Variants in TMEM212 observed in about 807,000 individuals in gnomAD.
TMEM212 encodes the protein transmembrane protein 212.
A neutral mutation model predicts 20.5 loss-of-function variants in TMEM212; 23 were observed. The observed-to-expected ratio is 1.12, with a 90% CI of 0.81 to 1.59. The LOEUF (loss-of-function observed/expected upper bound fraction) is 1.59. Among genes scored for constraint, TMEM212 ranks in the 40% most tolerant of loss-of-function variants. TMEM212 has a pLI of 0.00. For synonymous variants in TMEM212, 76 were observed against 81.6 expected (o/e 0.93, Z 0.37); for missense variants, 211 against 215.0 (o/e 0.98, Z 0.12).
At chr3:171,853,456 C>A in intron 2 of TMEM212, 71 bp from the exon 3 acceptor site, 38 of 1,262,634 alleles carry the variant, frequency 3.0e-5, no homozygotes, top group East Asian at 5.6e-5. Context: ...CTTTTATTTT[C>A]TTCATATTGC....
At chr3:171,854,182 C>G (rs1461413194) in intron 3 of TMEM212, among the ~76,000 whole-genome samples, 3 of 151,714 alleles carry the variant, frequency 2.0e-5, no homozygotes, top group Non-Finnish European at 4.4e-5. Context: ...CTAGCCAGAG[C>G]AATTAGGCAA....
intron 2 of TMEM212, 142 bp from the exon 3 acceptor site, chr3:171,853,385 G>C: frequency 2.9e-6 from 2 of 684,810 alleles, no homozygotes; most frequent in Non-Finnish European, 4.8e-6. Context: ...AAAATATAAA[G>C]AGAGAGTCGT....
chr3:171,843,521 T>C lies in TMEM212; in HGVS notation c.138T>C (p.Cys46=), dbSNP rs1238890717. The change falls in exon 1 of 5, where the codon TGT becomes TGC. Residue 46 remains cysteine, a synonymous_variant. Transcript: ENST00000334567. ...WFTGWSVRIA[C]PIWNGALAIT... ...CAGGATGGAGTGTTCGAATTGCTTG[T>C]CCTATCTGGAATGGAGCTTTGGTAT... The C allele has an allele frequency of 6.5e-7, 1 of 1,535,854 alleles. No homozygotes were observed. The highest frequency in any genetic ancestry group is 2.0e-5 in the Admixed American group (1 of 50,850).
In TMEM212 at chr3:171,855,703, G is replaced by C. The variant is rs555768664; in HGVS notation, c.544-960G>C. ...GTGCCCATTGGACTGGTATAAGTTA[G>C]CTCAGATGTCGTTTAATTCCCATAA... On this transcript the variant is annotated intron_variant, in intron 3 of 4. Transcript: ENST00000334567. Among the ~76,000 whole-genome samples the C allele has an allele frequency of 2.0e-5, 3 of 152,204 alleles. No individual in the cohort carries two copies. In the East Asian group the frequency reaches 5.8e-4, roughly 29 times the overall value.
chr3:171,852,980 C>T (rs1168794808), intron 2 of TMEM212, among the ~76,000 whole-genome samples: 1 of 152,186 alleles, frequency 6.6e-6, no homozygotes, highest in African/African-American at 2.4e-5. Context: ...GGACCACATC[C>T]TGAGTAGCTG....
chr3:171,854,743 T>C (rs1234083446), intron 3 of TMEM212, among the ~76,000 whole-genome samples: 2 of 152,164 alleles, frequency 1.3e-5, no homozygotes, highest in Non-Finnish European at 2.9e-5. Context: ...TTTTAAACTA[T>C]ATTACAAAGC....
chr3:171,850,429 G>A (rs1184272244), intron 1 of TMEM212, among the ~76,000 whole-genome samples: 3 of 152,246 alleles, frequency 2.0e-5, no homozygotes, highest in Admixed American at 6.5e-5. Context: ...TCATGCCAAA[G>A]TAGTTAAGGC....
intron 2 of TMEM212, among the ~76,000 whole-genome samples, chr3:171,852,360 C>A (rs1410977007): frequency 6.6e-6 from 1 of 152,086 alleles, no homozygotes; most frequent in East Asian, 1.9e-4. Context: ...GCCACCATGC[C>A]CAGCTAATTT....
At chr3:171,851,848 A>G (rs1724984374) in intron 1 of TMEM212, 134 bp from the exon 2 acceptor site, 15 of 763,660 alleles carry the variant, frequency 2.0e-5, no homozygotes, top group Non-Finnish European at 2.4e-5. Context: ...GGAGGAAATC[A>G]GAGCCATAAA....
At position 171,843,444 on chromosome 3, in the gene TMEM212, T is replaced by C. The variant is rs1162004259; in HGVS notation, c.61T>C (p.Cys21Arg). ...TGTTACTCTGGGGATCCTCAGTGTA[T>C]GCTCTGGAGTTATTGCTTTCTTTCC... ...ILVTLGILSV[C>R]SGVIAFFPVF... The change falls in exon 1 of 5, where the codon TGC (cysteine) becomes CGC (arginine). Residue 21 changes from cysteine (C) to arginine (R), a missense_variant. Transcript: ENST00000334567. 6.5e-7 allele frequency: 1 copy of C among 1,536,952 alleles called. No homozygotes were observed. The highest frequency in any genetic ancestry group is 8.7e-7 in the Non-Finnish European group (1 of 1,146,726).
At chr3:171,851,241 A>G (rs1467629845) in intron 1 of TMEM212, among the ~76,000 whole-genome samples, 1 of 152,226 alleles carries the variant, frequency 6.6e-6, no homozygotes, top group East Asian at 1.9e-4. Context: ...GGTCTCCTCC[A>G]TCAGATCTGT....
chr3:171,853,916 A>G (rs760486580), intron 3 of TMEM212, 66 bp downstream of exon 3: 9 of 1,238,138 alleles, frequency 7.3e-6, no homozygotes, highest in Non-Finnish European at 1.0e-5. Context: ...AAAGTCTGGT[A>G]TGTGAACAGT....
Position 171,856,653 on chromosome 3 carries a change from T to C in TMEM212, c.544-10T>C, listed in dbSNP as rs1488700795. 1 of 684,932 alleles carries C rather than the reference T, an allele frequency of 1.5e-6. No individual in the cohort carries two copies. The highest frequency in any genetic ancestry group is 1.6e-5 in the South Asian group (1 of 63,962). The allele number at this position is 684,932 out of a possible 1,614,324, so 42.4% of individuals were successfully genotyped here. A position where few individuals can be genotyped will look rare whatever the true frequency, so the allele number is the denominator to read the frequency against. On this transcript the variant is annotated splice_polypyrimidine_tract_variant and intron_variant, in intron 3 of 4. Coordinates refer to ENST00000334567, the MANE Select transcript of TMEM212 (RefSeq NM_001164436.2). ...CTTATCAAATTTGCTGTCTCTCATA[T>C]GTCTTACAGATGCAACTCCCTGCTG...
intron 1 of TMEM212, among the ~76,000 whole-genome samples, chr3:171,851,512 G>A (rs1022094471): frequency 3.3e-5 from 5 of 152,334 alleles, no homozygotes; most frequent in Admixed American, 6.5e-5. Context: ...CCACCAGCAG[G>A]CTGAGGCTAT....
In TMEM212 at chr3:171,858,933, A is replaced by C. The variant is rs1384729431; in HGVS notation, c.*876A>C. On this transcript the variant is annotated 3_prime_UTR_variant, in exon 5 of 5. Coordinates refer to ENST00000334567, the MANE Select transcript of TMEM212 (RefSeq NM_001164436.2). ...CATCAATGATAGATTGGATTAAGAA[A>C]ATGTGGCACATATACACCATGGAAT... 1 of 152,212 alleles carries C rather than the reference A, an allele frequency of 6.6e-6. No individual in the cohort carries two copies. Among genetic ancestry groups the C allele is most frequent in the Non-Finnish European group, 1.5e-5 (1 of 68,056 alleles). 9.4% of individuals were successfully genotyped at this position (152,212 alleles called of 1,614,324 possible).
At position 171,858,569 on chromosome 3, in the gene TMEM212, A is replaced by G. The variant is rs1257188854; in HGVS notation, c.*512A>G. On this transcript the variant is annotated 3_prime_UTR_variant, in exon 5 of 5. Coordinates refer to ENST00000334567, the MANE Select transcript of TMEM212 (RefSeq NM_001164436.2). ...ATGGCAACAAAAGCCAAAATAGACA[A>G]ATCGTATCTAATTAAACTAAAGGGC... 6.6e-6 allele frequency: 1 copy of G among 152,164 alleles called. No individual in the cohort carries two copies. Among genetic ancestry groups the G allele is most frequent in the Non-Finnish European group, 1.5e-5 (1 of 68,050 alleles). 9.4% of individuals were successfully genotyped at this position (152,164 alleles called of 1,614,324 possible).
chr3:171,855,284 T>A (rs1434395198), intron 3 of TMEM212, among the ~76,000 whole-genome samples: 1 of 152,080 alleles, frequency 6.6e-6, no homozygotes. Context: ...TTATCTAAAG[T>A]AGGAAAGGGA....
At position 171,856,650 on chromosome 3, in the gene TMEM212, A is replaced by C. The variant is rs1285058296; in HGVS notation, c.544-13A>C. 9 of 684,144 alleles carry C rather than the reference A, an allele frequency of 1.3e-5. No individual in the cohort carries two copies. Among genetic ancestry groups the C allele is most frequent in the Non-Finnish European group, 2.4e-5 (9 of 374,478 alleles). The allele number at this position is 684,144 out of a possible 1,614,324, so 42.4% of individuals were successfully genotyped here. ...AGCCTTATCAAATTTGCTGTCTCTC[A>C]TATGTCTTACAGATGCAACTCCCTG... On this transcript the variant is annotated splice_polypyrimidine_tract_variant and intron_variant, in intron 3 of 4. Coordinates refer to ENST00000334567, the MANE Select transcript of TMEM212 (RefSeq NM_001164436.2).
intron 1 of TMEM212, among the ~76,000 whole-genome samples, chr3:171,844,056 T>A (rs1246422962): frequency 6.6e-6 from 1 of 152,216 alleles, no homozygotes; most frequent in Admixed American, 6.5e-5. Context: ...ACTCAATAAT[T>A]TTCAATTATT....
Sources: allele counts gnomAD v4.1 joint callset (sites outside exome capture counted in the v4.1 genomes callset), GRCh38; gene constraint gnomAD v4.1.1; transcripts MANE v1.5; gene names NCBI Gene and HGNC (gene_info 2026-07-23, HGNC 2026-07-21).